The following EBF1 variants were observed in gnomAD, a reference collection of about 807,000 sequenced individuals.
EBF1 encodes the protein EBF transcription factor 1.
EBF1 carries 10 observed loss-of-function variants against 68.4 expected under a neutral mutation model. That is an observed-to-expected ratio of 0.15 (90% CI 0.09 to 0.25). EBF1 has a LOEUF of 0.25. EBF1 is among the 10% of genes least tolerant of loss of function. EBF1 has a pLI of 1.00. For synonymous variants in EBF1, 298 were observed against 299.8 expected, an observed-to-expected ratio of 0.99 and a Z score of 0.06; for missense variants, 509 against 794.4, an observed-to-expected ratio of 0.64 and a Z score of 4.32.
At chr5:158,794,418 A>T (rs1395151736) in intron 9 of EBF1, among the ~76,000 whole-genome samples, 1 of 152,230 alleles carries the variant, frequency 6.6e-6, no homozygotes, top group East Asian at 1.9e-4. Flanking sequence ...AAAACAGGTC[A>T]AGAAAGTAGG....
intron 6 of EBF1, chr5:158,941,108 T>TA: frequency 2.3e-6 from 1 of 441,980 alleles, no homozygotes; most frequent in South Asian, 1.6e-5. Flanking sequence ...CCAGCTGTAT[T>TA]GGGGTGGACA....
intron 6 of EBF1, among the ~76,000 whole-genome samples, chr5:158,858,041 C>G (rs947941249): frequency 1.3e-5 from 2 of 152,118 alleles, no homozygotes; most frequent in African/African-American, 4.8e-5. Context: ...AGTGGCTAGA[C>G]TTTATTCATT....
chr5:159,079,514 G>A (rs1437608265), intron 5 of EBF1, among the ~76,000 whole-genome samples: 2 of 151,614 alleles, frequency 1.3e-5, no homozygotes, highest in Admixed American at 1.3e-4. Flanking sequence ...ACCAGTGACT[G>A]TCTGGTGCTT....
chr5:158,851,799 G>C (rs1364499202), intron 6 of EBF1, among the ~76,000 whole-genome samples: 10 of 81,048 alleles, frequency 1.2e-4, no homozygotes. Flanking sequence ...GAAGGAAAGG[G>C]AAGGAGGGAA....
At chr5:158,750,966 G>A (rs981239577) in intron 10 of EBF1, among the ~76,000 whole-genome samples, 2 of 152,002 alleles carry the variant, frequency 1.3e-5, no homozygotes, top group Non-Finnish European at 2.9e-5. Flanking sequence ...CCACACTGTG[G>A]GAGATGATGC....
At position 158,887,656 on chromosome 5, in the gene EBF1, G is replaced by A. The variant is rs185211174; in HGVS notation, c.555-47546C>T. On this transcript the variant is annotated intron_variant, in intron 6 of 15. Coordinates refer to ENST00000313708, the MANE Select transcript of EBF1 (RefSeq NM_024007.5). ...TACCATTGTGAATGACAACCTTCAC[G>A]GTCAGGTTCCACCTGCATCCTCAAC... 3.4e-4 allele frequency among the ~76,000 whole-genome samples: 51 copies of A among 152,188 alleles called. No homozygotes were observed. In the East Asian group the frequency reaches 7.3e-3, roughly 22 times the overall value.
At chr5:158,984,860 T>C (rs1224291672) in intron 6 of EBF1, 3 of 151,954 alleles carry the variant, frequency 2.0e-5, no homozygotes, top group South Asian at 2.1e-4. Context: ...ATTTTTTGTA[T>C]TTTTAGTAGA....
chr5:158,726,905 T>A (rs1763104724), intron 11 of EBF1, among the ~76,000 whole-genome samples: 1 of 152,244 alleles, frequency 6.6e-6, no homozygotes, highest in African/African-American at 2.4e-5. Flanking sequence ...TAACTTCTCA[T>A]CTGTAAAATG....
chr5:158,759,460 G>A (rs1003692123), intron 10 of EBF1, among the ~76,000 whole-genome samples: 2 of 152,116 alleles, frequency 1.3e-5, no homozygotes, highest in African/African-American at 2.4e-5. Flanking sequence ...CAGCTGGTAC[G>A]GCTCATATTT....
At chr5:159,027,896 T>C (rs529262922) in intron 6 of EBF1, among the ~76,000 whole-genome samples, 1 of 152,232 alleles carries the variant, frequency 6.6e-6, no homozygotes, top group East Asian at 1.9e-4. Flanking sequence ...ACACCCAGGG[T>C]TCCCCCAGCT....
chr5:158,958,665 C>A (rs774302489), intron 6 of EBF1, among the ~76,000 whole-genome samples: 2 of 152,124 alleles, frequency 1.3e-5, no homozygotes, highest in Non-Finnish European at 2.9e-5. Context: ...ACACATCCCA[C>A]TGGTATTATT....
chr5:158,732,073 C>A (rs1764199587), intron 10 of EBF1, among the ~76,000 whole-genome samples: 1 of 152,126 alleles, frequency 6.6e-6, no homozygotes. Context: ...AGCTCCTATC[C>A]ATAGCCTCCA....
At chr5:158,713,459 A>G (rs1581236155) in intron 12 of EBF1, among the ~76,000 whole-genome samples, 1 of 152,194 alleles carries the variant, frequency 6.6e-6, no homozygotes, top group African/African-American at 2.4e-5. Flanking sequence ...ATACTACCCT[A>G]CAGTCCATAC....
intron 10 of EBF1, among the ~76,000 whole-genome samples, chr5:158,756,659 T>G (rs1379231098): frequency 1.3e-5 from 2 of 151,790 alleles, no homozygotes; most frequent in Admixed American, 1.3e-4. Context: ...GCAAACTCTA[T>G]CCTTGCAGCT....
intron 10 of EBF1, among the ~76,000 whole-genome samples, chr5:158,745,187 G>T (rs1767270926): frequency 6.6e-6 from 1 of 152,132 alleles, no homozygotes; most frequent in African/African-American, 2.4e-5. Context: ...TATTGTGTGG[G>T]CAATGGGTAT....
Position 158,918,360 on chromosome 5 carries a change from C to A in EBF1, c.555-78250G>T, listed in dbSNP as rs142008452. ...GGAGGGTTCTGTTAAAAGGCAGAAT[C>A]CTCAGGCTCACCCAACTTTATAGAA... On this transcript the variant is annotated intron_variant, in intron 6 of 15. Transcript: ENST00000313708. 1.1e-4 allele frequency among the ~76,000 whole-genome samples: 17 copies of A among 152,294 alleles called. No homozygotes were observed. In the East Asian group the frequency reaches 2.5e-3, roughly 22 times the overall value.
intron 9 of EBF1, among the ~76,000 whole-genome samples, chr5:158,781,893 C>T (rs1269022902): frequency 3.3e-5 from 5 of 152,116 alleles, no homozygotes; most frequent in African/African-American, 7.2e-5. Context: ...TTATGCCCTG[C>T]CTCAAACCAA....
At chr5:158,802,077 G>A (rs1468272792) in intron 8 of EBF1, among the ~76,000 whole-genome samples, 2 of 152,144 alleles carry the variant, frequency 1.3e-5, no homozygotes, top group African/African-American at 4.8e-5. Flanking sequence ...TGAGCTCAGA[G>A]GTGCCTGCCC....
rs116319034 is a variant in EBF1 at position 158,907,865 on chromosome 5, G to A, written c.555-67755C>T. Reference sequence around the variant, plus strand: ...TCTCAGCGCATTTATCAAGTATGCAGTAGCTTCTAGAAATCACTTCAATGA... The same window carrying A: ...TCTCAGCGCATTTATCAAGTATGCAATAGCTTCTAGAAATCACTTCAATGA... On this transcript the variant is annotated intron_variant, in intron 6 of 15. Coordinates refer to ENST00000313708, the MANE Select transcript of EBF1 (RefSeq NM_024007.5). 4.6e-3 allele frequency among the ~76,000 whole-genome samples: 696 copies of A among 152,112 alleles called. 4 individuals carry two copies. The highest frequency in any genetic ancestry group is 0.015 in the African/African-American group (642 of 41,488).
Sources: allele counts gnomAD v4.1 joint callset (sites outside exome capture counted in the v4.1 genomes callset), GRCh38; gene constraint gnomAD v4.1.1; transcripts MANE v1.5; gene names NCBI Gene and HGNC (gene_info 2026-07-23, HGNC 2026-07-21).